Variants in TENM4 observed in about 807,000 individuals in gnomAD.
TENM4 encodes teneurin-4.
TENM4 carries 82 observed loss-of-function variants against 243.3 expected under a neutral mutation model. The observed-to-expected ratio is 0.34, with a 90% CI of 0.28 to 0.40. TENM4 has a LOEUF of 0.40. Ranked by LOEUF, TENM4 falls within the 10% of genes least tolerant of loss-of-function variation. TENM4 has a pLI of 1.00. For missense variants in TENM4, 3,138 were observed against 3,673.3 expected (o/e 0.85, Z 3.77); for synonymous variants, 1,412 against 1,456.3 (o/e 0.97, Z 0.69).
chr11:78,899,659 T>G (rs1855886031), intron 7 of TENM4, among the ~76,000 whole-genome samples: 1 of 151,280 alleles, frequency 6.6e-6, no homozygotes, highest in Non-Finnish European at 1.5e-5. Context: ...GGATCCTGCA[T>G]GAGTAGATTA....
intron 4 of TENM4, among the ~76,000 whole-genome samples, chr11:79,124,002 T>C (rs1861806600): frequency 6.6e-6 from 1 of 152,136 alleles, no homozygotes; most frequent in Non-Finnish European, 1.5e-5. Context: ...ATAGGGCTGA[T>C]GTATCACAGA....
Position 79,047,976 on chromosome 11 carries a change from T to G in TENM4, c.493+16762A>C, listed in dbSNP as rs547776052. Among the ~76,000 whole-genome samples, 16 of 152,302 alleles carry G rather than the reference T, an allele frequency of 1.1e-4. No individual in the cohort carries two copies. The South Asian group carries it at 3.3e-3, about 32-fold the overall frequency. On this transcript the variant is annotated intron_variant, in intron 6 of 33. Coordinates refer to ENST00000278550, the MANE Select transcript of TENM4 (RefSeq NM_001098816.3). ...AATAACACCTATTAAGTTATTTTCA[T>G]TATTATTTTTCCCAGACACAGATTT...
intron 3 of TENM4, among the ~76,000 whole-genome samples, chr11:79,154,791 T>C (rs576018565): frequency 2.4e-4 from 36 of 152,250 alleles, no homozygotes; most frequent in African/African-American, 8.7e-4. Context: ...AGTGATGATC[T>C]GATTAATGCC....
At chr11:78,846,445 A>T (rs1217003745) in intron 12 of TENM4, among the ~76,000 whole-genome samples, 1 of 152,234 alleles carries the variant, frequency 6.6e-6, no homozygotes, top group East Asian at 1.9e-4. Context: ...AAAGGCAATG[A>T]GTAAACACGG....
intron 3 of TENM4, among the ~76,000 whole-genome samples, chr11:79,207,027 G>A (rs1303589276): frequency 1.3e-5 from 2 of 152,160 alleles, no homozygotes; most frequent in East Asian, 1.9e-4. Flanking sequence ...AGGACATCTA[G>A]AAATGCCCCC....
chr11:78,800,046 G>A (rs1023283669), intron 15 of TENM4, among the ~76,000 whole-genome samples: 7 of 152,162 alleles, frequency 4.6e-5, no homozygotes, highest in East Asian at 1.9e-4. Context: ...TTTTGAAAGC[G>A]TACCATGGAA....
chr11:79,115,895 G>A lies in TENM4; in HGVS notation c.-66+32815C>T, dbSNP rs534658937. Among the ~76,000 whole-genome samples the A allele has an allele frequency of 5.3e-5, 8 of 152,274 alleles. No individual in the cohort carries two copies. The South Asian group carries it at 1.2e-3, about 24-fold the overall frequency. On this transcript the variant is annotated intron_variant, in intron 4 of 33. Coordinates refer to ENST00000278550, the MANE Select transcript of TENM4 (RefSeq NM_001098816.3). ...TAATCTCCAAGGTCTGCTCTGACTC[G>A]AAGAGTCTAGGTTTCTCTACTCTGA...
intron 6 of TENM4, among the ~76,000 whole-genome samples, chr11:78,916,170 T>C (rs1001096251): frequency 2.6e-5 from 4 of 152,202 alleles, no homozygotes; most frequent in African/African-American, 9.6e-5. Context: ...CTTACTAGCT[T>C]TGTGGCTTTG....
intron 1 of TENM4, among the ~76,000 whole-genome samples, chr11:79,361,113 A>T (rs1012243543): frequency 3.9e-5 from 6 of 152,164 alleles, no homozygotes; most frequent in African/African-American, 1.4e-4. Context: ...ATTATGCTAG[A>T]CTTTTGGAAT....
At chr11:79,367,760 A>C (rs930958210) in intron 1 of TENM4, among the ~76,000 whole-genome samples, 1 of 152,224 alleles carries the variant, frequency 6.6e-6, no homozygotes, top group South Asian at 2.1e-4. Flanking sequence ...GAAGAGAGAC[A>C]TAACAAATGT....
intron 1 of TENM4, among the ~76,000 whole-genome samples, chr11:79,421,231 A>G (rs1285607299): frequency 1.3e-5 from 2 of 152,048 alleles, no homozygotes; most frequent in Non-Finnish European, 2.9e-5. Flanking sequence ...TACCTTGTCT[A>G]TATGTTTTCA....
chr11:79,150,729 T>C (rs994127853), intron 3 of TENM4, among the ~76,000 whole-genome samples: 4 of 152,200 alleles, frequency 2.6e-5, no homozygotes, highest in African/African-American at 9.7e-5. Flanking sequence ...TTTCTCCTGG[T>C]TCTTCTTTCC....
At chr11:79,334,624 T>A (rs186332076) in intron 1 of TENM4, among the ~76,000 whole-genome samples, 13 of 152,272 alleles carry the variant, frequency 8.5e-5, no homozygotes, top group Non-Finnish European at 1.5e-4. Context: ...AAAAACCCTA[T>A]CTGTAGCTTA....
intron 4 of TENM4, among the ~76,000 whole-genome samples, chr11:79,146,762 C>T (rs934168989): frequency 1.3e-5 from 2 of 152,166 alleles, no homozygotes; most frequent in African/African-American, 4.8e-5. Context: ...GAGAGCAGCC[C>T]TATCCACAGA....
chr11:78,837,831 A>G (rs1178393925), intron 12 of TENM4, among the ~76,000 whole-genome samples: 2 of 152,184 alleles, frequency 1.3e-5, no homozygotes, highest in Non-Finnish European at 2.9e-5. Context: ...AAGTAGATAT[A>G]CTATATTTTA....
intron 12 of TENM4, among the ~76,000 whole-genome samples, chr11:78,819,484 C>T (rs925219732): frequency 1.3e-5 from 2 of 152,184 alleles, no homozygotes; most frequent in Non-Finnish European, 2.9e-5. Context: ...TTAACTGTCT[C>T]ACAGGGGCAG....
intron 18 of TENM4, among the ~76,000 whole-genome samples, chr11:78,766,555 G>C (rs1228434232): frequency 6.6e-6 from 1 of 152,148 alleles, no homozygotes; most frequent in Non-Finnish European, 1.5e-5. Context: ...AGGAGCCAGT[G>C]CCCAAGGTGA....
intron 1 of TENM4, among the ~76,000 whole-genome samples, chr11:79,409,107 C>CGT (rs1565334660): frequency 1.3e-4 from 17 of 135,116 alleles, no homozygotes; most frequent in African/African-American, 4.8e-4. Flanking sequence ...TGTGTGCGCG[C>CGT]GCGCGCGTGC....
intron 1 of TENM4, among the ~76,000 whole-genome samples, chr11:79,322,714 A>G (rs966680126): frequency 7.9e-5 from 12 of 152,242 alleles, no homozygotes; most frequent in African/African-American, 2.9e-4. Context: ...CTTAACATGT[A>G]GACCTTGGTT....
Sources: allele counts gnomAD v4.1 joint callset (sites outside exome capture counted in the v4.1 genomes callset), GRCh38; gene constraint gnomAD v4.1.1; transcripts MANE v1.5; gene names NCBI Gene and HGNC (gene_info 2026-07-23, HGNC 2026-07-21).